Variants in TIAM1 observed in about 807,000 individuals in gnomAD.
TIAM1 encodes TIAM Rac1 associated GEF 1.
A neutral mutation model predicts 163.5 loss-of-function variants in TIAM1; 65 were observed. That is an observed-to-expected ratio of 0.40 (90% CI 0.33 to 0.49). TIAM1 has a LOEUF of 0.49. Ranked by LOEUF, TIAM1 falls within the 20% of genes least tolerant of loss-of-function variation. The probability of loss-of-function intolerance (pLI) is 0.77; values close to 1 mark genes in which losing one functional copy is unlikely to be tolerated. For missense variants in TIAM1, 1,789 were observed against 2,044.7 expected (o/e 0.87, Z 2.41); for synonymous variants, 833 against 810.1 (o/e 1.03, Z -0.48).
chr21:31,182,638 T>C lies in TIAM1; in HGVS notation c.2670A>G (p.Lys890=). 1 of 1,610,626 alleles carries C rather than the reference T, an allele frequency of 6.2e-7. No individual in the cohort carries two copies. Among genetic ancestry groups the C allele is most frequent in the Non-Finnish European group, 8.5e-7 (1 of 1,178,862 alleles). Residue 890 remains lysine (K), a synonymous_variant, in exon 15 of 28, where the codon AAA becomes AAG. Transcript: ENST00000541036. ...TGATCTCAAGAATCTCATCTCCTGCTTTCAGGCCTGCCAACGCAAGATGGA... is the reference window on the plus strand; with the variant it reads ...TGATCTCAAGAATCTCATCTCCTGCCTTCAGGCCTGCCAACGCAAGATGGA... ...ETGLASKKGL[K]AGDEILEINN... is the part of the protein sequence containing the mutation.
At chr21:31,472,672 A>G (rs914696873) in intron 1 of TIAM1, among the ~76,000 whole-genome samples, 1 of 152,236 alleles carries the variant, frequency 6.6e-6, no homozygotes, top group Non-Finnish European at 1.5e-5. Flanking sequence ...CCACCAGCCC[A>G]TGAGCCTACT....
chr21:31,465,683 G>C (rs1006474010), intron 1 of TIAM1, among the ~76,000 whole-genome samples: 3 of 151,784 alleles, frequency 2.0e-5, no homozygotes, highest in African/African-American at 7.3e-5. Flanking sequence ...CCATTCTCCT[G>C]CCTCAGCCTC....
At chr21:31,399,730 A>G (rs2077132727) in intron 2 of TIAM1, among the ~76,000 whole-genome samples, 1 of 152,190 alleles carries the variant, frequency 6.6e-6, no homozygotes, top group Non-Finnish European at 1.5e-5. Context: ...AAAACCCATT[A>G]AGATTTTTGA....
chr21:31,182,552 G>A lies in TIAM1; in HGVS notation c.2756C>T (p.Ser919Leu), dbSNP rs562221303. Reference sequence around the variant, plus strand: ...GTAGGTCCTCACCAGGAGGCCCAGCGAGGGCTGTGAGAGGAAATCTTTGAG... The same window carrying A: ...GTAGGTCCTCACCAGGAGGCCCAGCAAGGGCTGTGAGAGGAAATCTTTGAG... ...SMLKDFLSQP[S>L]LGLLVRTYPE... The change falls in exon 15 of 28, where the codon TCG (serine) becomes TTG (leucine). Residue 919 changes from serine to leucine, a missense_variant. Transcript: ENST00000541036. 6.8e-6 allele frequency: 11 copies of A among 1,613,968 alleles called. No individual in the cohort carries two copies. Among genetic ancestry groups the A allele is most frequent in the African/African-American group, 1.3e-5 (1 of 74,934 alleles).
chr21:31,357,527 A>G (rs930718505), intron 2 of TIAM1, among the ~76,000 whole-genome samples: 2 of 152,256 alleles, frequency 1.3e-5, no homozygotes, highest in East Asian at 3.9e-4. Flanking sequence ...GATGAGGTCC[A>G]ATCTCCACCC....
At chr21:31,271,769 G>A (rs1460436998) in intron 3 of TIAM1, among the ~76,000 whole-genome samples, 2 of 152,158 alleles carry the variant, frequency 1.3e-5, no homozygotes, top group African/African-American at 4.8e-5. Context: ...TTAGTGGCAT[G>A]ATGGGCAAGA....
chr21:31,207,298 G>A (rs769511001), intron 11 of TIAM1, among the ~76,000 whole-genome samples: 65 of 152,298 alleles, frequency 4.3e-4, no homozygotes, highest in Admixed American at 6.5e-4. Context: ...AACTTGACTG[G>A]TGCTCAGATG....
intron 2 of TIAM1, among the ~76,000 whole-genome samples, chr21:31,423,700 TAAAAAAAAAAA>T (rs200137644): frequency 2.1e-4 from 10 of 48,228 alleles, no homozygotes; most frequent in African/African-American, 5.8e-4. Context: ...TAGAAAGTTG[TAAAAAAAAAAA>T]AAAAAAAAAA....
chr21:31,414,078 G>A (rs67860507), intron 2 of TIAM1, among the ~76,000 whole-genome samples: 9,352 of 152,206 alleles, frequency 0.061, 364 homozygotes, highest in East Asian at 0.11. Context: ...ATTCCCTACC[G>A]CCTCAGGCTC....
intron 10 of TIAM1, among the ~76,000 whole-genome samples, chr21:31,210,577 A>G (rs982236389): frequency 4.1e-5 from 5 of 122,352 alleles, no homozygotes; most frequent in African/African-American, 2.0e-4. Flanking sequence ...AAAGAAAGAA[A>G]GAAAGAAAGA....
intron 1 of TIAM1, among the ~76,000 whole-genome samples, chr21:31,555,466 A>G (rs73345672): frequency 0.024 from 3,662 of 152,234 alleles, 147 homozygotes; most frequent in African/African-American, 0.084. Context: ...TGTTTTTGAT[A>G]CAGAAGACCA....
At chr21:31,196,246 T>C (rs2085845201) in intron 12 of TIAM1, among the ~76,000 whole-genome samples, 1 of 151,202 alleles carries the variant, frequency 6.6e-6, no homozygotes, top group Non-Finnish European at 1.5e-5. Context: ...TGGCTATTAC[T>C]AAAAAGTCAA....
chr21:31,382,684 T>A (rs1241068111), intron 2 of TIAM1, among the ~76,000 whole-genome samples: 1 of 152,202 alleles, frequency 6.6e-6, no homozygotes, highest in Non-Finnish European at 1.5e-5. Context: ...CAGATTTTTT[T>A]AACATGTCAG....
At chr21:31,190,159 C>T (rs569080758) in intron 13 of TIAM1, among the ~76,000 whole-genome samples, 2 of 152,236 alleles carry the variant, frequency 1.3e-5, no homozygotes, top group South Asian at 4.1e-4. Flanking sequence ...AATCCCAGCA[C>T]TCTTGGAAGG....
Position 31,387,444 on chromosome 21 carries a change from C to A in TIAM1, c.-368-48022G>T, listed in dbSNP as rs149844364. Among the ~76,000 whole-genome samples the A allele has an allele frequency of 2.1e-3, 314 of 151,818 alleles. 1 individual carries two copies. Among genetic ancestry groups the A allele is most frequent in the African/African-American group, 7.4e-3 (307 of 41,416 alleles). ...ACCAGGCTGGTCTCGAACTCCTGAC[C>A]TGAAATGATCTGCCCACCTTGGCCT... On this transcript the variant is annotated intron_variant, in intron 2 of 28. Transcript: ENST00000286827.
intron 2 of TIAM1, chr21:31,452,469 G>C (rs752227947): frequency 1.7e-5 from 9 of 522,394 alleles, no homozygotes; most frequent in Non-Finnish European, 3.2e-5. Flanking sequence ...AAGCGCCATG[G>C]CTATGACTAG....
At chr21:31,389,886 T>C (rs556721708) in intron 2 of TIAM1, among the ~76,000 whole-genome samples, 1 of 152,360 alleles carries the variant, frequency 6.6e-6, no homozygotes, top group African/African-American at 2.4e-5. Context: ...TTTTGGGCTC[T>C]TCATTCTGCA....
At chr21:31,515,098 G>A (rs1458759827) in intron 1 of TIAM1, among the ~76,000 whole-genome samples, 9 of 152,078 alleles carry the variant, frequency 5.9e-5, no homozygotes, top group Non-Finnish European at 1.2e-4. Flanking sequence ...CCCAAGTTTG[G>A]CCCTGGACCA....
intron 2 of TIAM1, among the ~76,000 whole-genome samples, chr21:31,391,884 C>A (rs1005694318): frequency 6.6e-6 from 1 of 152,158 alleles, no homozygotes; most frequent in Non-Finnish European, 1.5e-5. Flanking sequence ...CAGTTTTTGA[C>A]TTGACAATGG....
Sources: gnomAD v4.1 joint callset for allele counts (sites outside exome capture counted in the v4.1 genomes callset) on GRCh38, gnomAD v4.1.1 for gene constraint, MANE v1.5 for transcripts, NCBI Gene and HGNC (gene_info 2026-07-23, HGNC 2026-07-21) for gene names.